Variants in PRIM2 observed in about 807,000 individuals in gnomAD.
The protein encoded by PRIM2 is DNA primase large subunit.
PRIM2 carries 39 observed loss-of-function variants against 67.3 expected under a neutral mutation model. The observed-to-expected ratio is 0.58, with a 90% CI of 0.45 to 0.76. The LOEUF (loss-of-function observed/expected upper bound fraction) is 0.76. PRIM2 is among the 30% of genes least tolerant of loss of function. The probability of loss-of-function intolerance (pLI) is 0.00; values close to 1 mark genes in which losing one functional copy is unlikely to be tolerated. For synonymous variants in PRIM2, 143 were observed against 198.7 expected, an observed-to-expected ratio of 0.72 and a Z score of 2.36; for missense variants, 398 against 598.7, an observed-to-expected ratio of 0.66 and a Z score of 3.50.
intron 12 of PRIM2, among the ~76,000 whole-genome samples, chr6:57,627,958 C>T (rs1458465646): frequency 6.2e-4 from 95 of 152,262 alleles, no homozygotes; most frequent in African/African-American, 2.1e-3. Context: ...TCAGAATGGA[C>T]CCTTGATTTG....
chr6:57,298,217 C>T, the PRIM2 span, among the ~76,000 whole-genome samples: 3 of 151,852 alleles, frequency 2.0e-5, no homozygotes, highest in Admixed American at 6.6e-5. Flanking sequence ...AAAAATTAAC[C>T]GGGCATGGTG....
the PRIM2 span, among the ~76,000 whole-genome samples, chr6:57,282,514 G>T: frequency 6.6e-6 from 1 of 152,100 alleles, no homozygotes; most frequent in African/African-American, 2.4e-5. Context: ...GAGCTGAATT[G>T]TGTCTCCCTG....
At chr6:57,440,909 A>C (rs1772183098) in intron 7 of PRIM2, among the ~76,000 whole-genome samples, 1 of 152,152 alleles carries the variant, frequency 6.6e-6, no homozygotes, top group East Asian at 1.9e-4. Flanking sequence ...CCTGGTGCAA[A>C]ATAAGTATAG....
intron 9 of PRIM2, among the ~76,000 whole-genome samples, chr6:57,533,331 G>C (rs1238422472): frequency 6.6e-6 from 1 of 152,132 alleles, no homozygotes; most frequent in Admixed American, 6.5e-5. Flanking sequence ...TCTTGGGTTA[G>C]ACAACTACCA....
chr6:57,553,266 T>A (rs1274013895), intron 10 of PRIM2, among the ~76,000 whole-genome samples: 3 of 152,188 alleles, frequency 2.0e-5, no homozygotes, highest in Non-Finnish European at 4.4e-5. Context: ...TTAGGTTATA[T>A]TATAATTTGA....
At chr6:57,277,901 G>A in the PRIM2 span, among the ~76,000 whole-genome samples, 1 of 151,224 alleles carries the variant, frequency 6.6e-6, no homozygotes, top group African/African-American at 2.4e-5. Context: ...GGAGGATGGC[G>A]TGAACCCGGG....
chr6:57,336,652 C>T (rs956851506), intron 5 of PRIM2, among the ~76,000 whole-genome samples: 2 of 151,812 alleles, frequency 1.3e-5, no homozygotes, highest in African/African-American at 4.8e-5. Flanking sequence ...TACAGACAAG[C>T]AAATGCTGAG....
intron 7 of PRIM2, among the ~76,000 whole-genome samples, chr6:57,498,069 A>G (rs1307888057): frequency 0.093 from 14,108 of 152,228 alleles, 726 homozygotes; most frequent in East Asian, 0.21. Flanking sequence ...TTTATTTGAC[A>G]TCTGCCTTGG....
intron 7 of PRIM2, among the ~76,000 whole-genome samples, chr6:57,447,810 ATCT>A (rs1172481129): frequency 1.3e-5 from 2 of 152,218 alleles, no homozygotes; most frequent in East Asian, 1.9e-4. Flanking sequence ...AATTAGGAAA[ATCT>A]TCTACTTTCT....
rs1200009571 is a variant in PRIM2, at chr6:57,566,226, C to G, written c.1020+28601C>G. On this transcript the variant is annotated intron_variant, in intron 10 of 13. Transcript: ENST00000615550. ...TTAGCTCTAAAGACTTACGTAGATT[C>G]AGGCGCAACCTTTTTGGCAAGAATC... Among the ~76,000 whole-genome samples, 205 of 146,706 alleles carry G rather than the reference C, an allele frequency of 1.4e-3. 5 individuals carry two copies. The East Asian group carries it at 0.019, about 14-fold the overall frequency.
intron 10 of PRIM2, among the ~76,000 whole-genome samples, chr6:57,542,068 C>T (rs1308193211): frequency 1.3e-5 from 2 of 151,088 alleles, no homozygotes; most frequent in Non-Finnish European, 2.9e-5. Context: ...CTCTGCCTCC[C>T]AGGGTTCAAG....
chr6:57,556,518 G>A (rs1400202317), intron 10 of PRIM2, among the ~76,000 whole-genome samples: 4 of 152,086 alleles, frequency 2.6e-5, no homozygotes, highest in East Asian at 1.9e-4. Context: ...CAACAAAGCC[G>A]ACAAAAGCAA....
the PRIM2 span, among the ~76,000 whole-genome samples, chr6:57,272,328 T>C: frequency 6.6e-6 from 1 of 152,238 alleles, no homozygotes; most frequent in African/African-American, 2.4e-5. Flanking sequence ...GGTGCATATA[T>C]ATTTAGGATA....
intron 7 of PRIM2, among the ~76,000 whole-genome samples, chr6:57,384,491 C>G (rs1288872347): frequency 6.6e-6 from 1 of 152,136 alleles, no homozygotes; most frequent in East Asian, 1.9e-4. Flanking sequence ...TAAATAAGGT[C>G]ACATTCTGAG....
chr6:57,408,206 G>A (rs1770964794), intron 7 of PRIM2, among the ~76,000 whole-genome samples: 1 of 152,208 alleles, frequency 6.6e-6, no homozygotes, highest in Admixed American at 6.5e-5. Flanking sequence ...TGACATGGGT[G>A]CATGTGGAGT....
At chr6:57,454,060 T>A (rs199593918) in intron 7 of PRIM2, among the ~76,000 whole-genome samples, 2 of 152,196 alleles carry the variant, frequency 1.3e-5, no homozygotes, top group African/African-American at 4.8e-5. Flanking sequence ...GGTTTTTGTC[T>A]TTGGTTCCGT....
the PRIM2 span, among the ~76,000 whole-genome samples, chr6:57,277,816 T>A: frequency 6.7e-6 from 1 of 150,274 alleles, no homozygotes; most frequent in Non-Finnish European, 1.5e-5. Context: ...CCATCTCTAC[T>A]AAAAAAATAC....
intron 5 of PRIM2, among the ~76,000 whole-genome samples, chr6:57,330,361 G>GTTTTTTTTTTTTTTTTTTTT (rs59599812): frequency 9.1e-6 from 1 of 110,398 alleles, no homozygotes; most frequent in African/African-American, 3.6e-5. Flanking sequence ...TTTTTTTTTT[G>GTTTTTTTTTTTTTTTTTTTT]TTTTTGTTTT....
chr6:57,374,076 T>G (rs1463354566), intron 5 of PRIM2, among the ~76,000 whole-genome samples: 1 of 151,958 alleles, frequency 6.6e-6, no homozygotes, highest in African/African-American at 2.4e-5. Flanking sequence ...TTTCTATCCA[T>G]GAGCATGGAA....
Sources: allele counts gnomAD v4.1 joint callset (sites outside exome capture counted in the v4.1 genomes callset), GRCh38; gene constraint gnomAD v4.1.1; transcripts MANE v1.5; gene names NCBI Gene and HGNC (gene_info 2026-07-23, HGNC 2026-07-21).